Variants in ROBO2 observed in about 807,000 individuals in gnomAD.
The protein encoded by ROBO2 is roundabout homolog 2.
A neutral mutation model predicts 160.8 loss-of-function variants in ROBO2; 53 were observed. The observed-to-expected ratio is 0.33, with a 90% CI of 0.26 to 0.41. The LOEUF is 0.41. ROBO2 is among the 10% of genes least tolerant of loss of function. The pLI is 1.00. For synonymous variants in ROBO2, 664 were observed against 611.7 expected, an observed-to-expected ratio of 1.09 and a Z score of -1.26; for missense variants, 1,577 against 1,722.4, an observed-to-expected ratio of 0.92 and a Z score of 1.49.
intron 2 of ROBO2, among the ~76,000 whole-genome samples, chr3:77,254,507 A>T (rs984724156): frequency 6.6e-5 from 10 of 151,956 alleles, no homozygotes; most frequent in African/African-American, 2.4e-4. Context: ...GAAACTTAAC[A>T]TCTGAAAACT....
intron 2 of ROBO2, among the ~76,000 whole-genome samples, chr3:77,143,351 C>T (rs1168523624): frequency 6.6e-6 from 1 of 151,674 alleles, no homozygotes; most frequent in Non-Finnish European, 1.5e-5. Flanking sequence ...TGCACCACCA[C>T]ACCCGGCTAA....
At chr3:77,590,983 C>A (rs1420546135) in intron 17 of ROBO2, among the ~76,000 whole-genome samples, 1 of 151,952 alleles carries the variant, frequency 6.6e-6, no homozygotes, top group African/African-American at 2.4e-5. Flanking sequence ...TAAGGCCAAG[C>A]CAGAGAGAAG....
intron 2 of ROBO2, among the ~76,000 whole-genome samples, chr3:77,198,955 G>T (rs1301359701): frequency 6.6e-6 from 1 of 152,000 alleles, no homozygotes; most frequent in Non-Finnish European, 1.5e-5. Flanking sequence ...CAAGTATTTT[G>T]TAAAAATATG....
chr3:76,420,644 A>G (rs1389263341), intron 2 of ROBO2, among the ~76,000 whole-genome samples: 1 of 152,206 alleles, frequency 6.6e-6, no homozygotes, highest in Non-Finnish European at 1.5e-5. Flanking sequence ...GCCATTTTAT[A>G]TAAATATGAA....
At chr3:76,173,207 T>C (rs915699336) in intron 2 of ROBO2, among the ~76,000 whole-genome samples, 1 of 142,606 alleles carries the variant, frequency 7.0e-6, no homozygotes, top group African/African-American at 2.7e-5. Flanking sequence ...TTAATGGTAA[T>C]ATATATGTGT....
At chr3:77,225,917 A>G (rs2151239088) in intron 2 of ROBO2, among the ~76,000 whole-genome samples, 1 of 152,124 alleles carries the variant, frequency 6.6e-6, no homozygotes, top group East Asian at 1.9e-4. Context: ...TTAATTTAGG[A>G]CAGCATTTCT....
chr3:76,256,694 T>C (rs1706411517), intron 2 of ROBO2, among the ~76,000 whole-genome samples: 1 of 151,738 alleles, frequency 6.6e-6, no homozygotes, highest in Non-Finnish European at 1.5e-5. Context: ...TTGGGTGACA[T>C]AGTAAAGTTA....
intron 2 of ROBO2, among the ~76,000 whole-genome samples, chr3:76,675,462 A>G (rs2092383588): frequency 6.6e-6 from 1 of 152,312 alleles, no homozygotes; most frequent in East Asian, 1.9e-4. Flanking sequence ...TTACAAATGC[A>G]TATGGCATTT....
intron 12 of ROBO2, among the ~76,000 whole-genome samples, chr3:77,565,767 A>C (rs2093462121): frequency 6.6e-6 from 1 of 152,084 alleles, no homozygotes; most frequent in Admixed American, 6.6e-5. Context: ...TTTCTTTCTA[A>C]AGAACTCAAT....
chr3:76,848,914 G>T (rs1273033244), intron 2 of ROBO2, among the ~76,000 whole-genome samples: 2 of 152,056 alleles, frequency 1.3e-5, no homozygotes, highest in Non-Finnish European at 2.9e-5. Flanking sequence ...ATGTACTTAA[G>T]AAAAATTCGC....
intron 2 of ROBO2, among the ~76,000 whole-genome samples, chr3:77,445,002 T>A (rs989660212): frequency 2.0e-5 from 3 of 152,190 alleles, no homozygotes; most frequent in Non-Finnish European, 4.4e-5. Flanking sequence ...ATTCTTGAAA[T>A]GGCGTATGGC....
intron 2 of ROBO2, among the ~76,000 whole-genome samples, chr3:76,309,113 G>A (rs919640746): frequency 3.3e-5 from 5 of 152,070 alleles, no homozygotes; most frequent in Admixed American, 6.5e-5. Context: ...TGGAGCCAGC[G>A]GAAAGTAAAT....
chr3:77,542,060 T>C lies in ROBO2; in HGVS notation c.935-4278T>C, dbSNP rs185658935. 8.9e-4 allele frequency among the ~76,000 whole-genome samples: 136 copies of C among 152,340 alleles called. 1 individual carries two copies. The highest frequency in any genetic ancestry group is 6.8e-3 in the Middle Eastern group (2 of 294). ...TGCCACATCTGTCTACTCCCTCTCT[T>C]TGGTGCCATCAGCCAAATACTGTCT... On this transcript the variant is annotated intron_variant, in intron 6 of 25. Transcript: ENST00000461745.
At chr3:77,265,252 C>T (rs1232639850) in intron 2 of ROBO2, among the ~76,000 whole-genome samples, 1 of 152,152 alleles carries the variant, frequency 6.6e-6, no homozygotes, top group Non-Finnish European at 1.5e-5. Context: ...TAGTTACACA[C>T]TATGTCAGAG....
chr3:76,700,970 C>T (rs751045450), intron 2 of ROBO2, among the ~76,000 whole-genome samples: 2 of 152,036 alleles, frequency 1.3e-5, no homozygotes, highest in Admixed American at 1.3e-4. Flanking sequence ...AATTACTATA[C>T]ACCAGAAATT....
rs370157643 is a variant in ROBO2, at chr3:76,291,817, G to A, written c.109+354215G>A. On this transcript the variant is annotated intron_variant, in intron 2 of 26. Coordinates refer to the ROBO2 transcript ENST00000487694. Reference sequence around the variant, plus strand: ...AAGCAGGTTTAATTTCCATGTAATTGTATGATCTTGATGGATCTTCTTGGT... The same window carrying A: ...AAGCAGGTTTAATTTCCATGTAATTATATGATCTTGATGGATCTTCTTGGT... Among the ~76,000 whole-genome samples, 6 of 151,948 alleles carry A rather than the reference G, an allele frequency of 3.9e-5. 1 individual carries two copies. The highest frequency in any genetic ancestry group is 2.1e-4 in the South Asian group (1 of 4,812).
chr3:77,355,219 A>ACC (rs2068932562), intron 2 of ROBO2, among the ~76,000 whole-genome samples: 1 of 152,118 alleles, frequency 6.6e-6, no homozygotes, highest in Non-Finnish European at 1.5e-5. Context: ...TTTATGATCA[A>ACC]CCCTTCTTCC....
intron 2 of ROBO2, among the ~76,000 whole-genome samples, chr3:75,989,968 A>C (rs1485261125): frequency 6.6e-6 from 1 of 152,144 alleles, no homozygotes; most frequent in Non-Finnish European, 1.5e-5. Flanking sequence ...TTTTCCTTCA[A>C]ATTAATAATT....
intron 2 of ROBO2, among the ~76,000 whole-genome samples, chr3:76,930,180 C>T (rs1057274262): frequency 7.9e-5 from 12 of 152,098 alleles, no homozygotes; most frequent in East Asian, 5.8e-4. Context: ...CGTGCCCCCA[C>T]GCAGGACTAA....
Sources: gnomAD v4.1 joint callset for allele counts (sites outside exome capture counted in the v4.1 genomes callset) on GRCh38, gnomAD v4.1.1 for gene constraint, MANE v1.5 for transcripts, NCBI Gene and HGNC (gene_info 2026-07-23, HGNC 2026-07-21) for gene names.